Variants in NEK6 observed in about 807,000 individuals in gnomAD.
NEK6 encodes NIMA related kinase 6.
In NEK6, 27 loss-of-function variants were observed where a neutral mutation model predicts 43.5. The observed-to-expected ratio is 0.62, with a 90% CI of 0.46 to 0.86. The LOEUF (loss-of-function observed/expected upper bound fraction) is 0.86, where lower values mean the gene tolerates loss of function less well. NEK6 is among the 40% of genes least tolerant of loss of function. The probability of loss-of-function intolerance (pLI) is 0.00; values close to 1 mark genes in which losing one functional copy is unlikely to be tolerated. For synonymous variants in NEK6, 167 were observed against 164.1 expected, an observed-to-expected ratio of 1.02 and a Z score of -0.14; for missense variants, 318 against 414.4, an observed-to-expected ratio of 0.77 and a Z score of 2.02.
rs116301984 is a variant in NEK6, at chr9:124,323,903, C to T, written c.405+2334C>T. Reference sequence around the variant, plus strand: ...GCCAACACTGGCTCAGGGTTCAAGTCAGTCATGAACCCAGCAGGATTGAGT... The same window carrying T: ...GCCAACACTGGCTCAGGGTTCAAGTTAGTCATGAACCCAGCAGGATTGAGT... On this transcript the variant is annotated intron_variant, in intron 5 of 9. Transcript: ENST00000320246. Among the ~76,000 whole-genome samples, 803 of 152,320 alleles carry T rather than the reference C, an allele frequency of 5.3e-3. 6 individuals are homozygous for T. Among genetic ancestry groups the T allele is most frequent in the African/African-American group, 0.019 (789 of 41,568 alleles).
intron 1 of NEK6, among the ~76,000 whole-genome samples, chr9:124,282,218 C>G (rs1831944449): frequency 6.6e-6 from 1 of 152,220 alleles, no homozygotes; most frequent in Admixed American, 6.5e-5. Context: ...ACCTGCCGTG[C>G]CTTTTTCTGG....
intron 1 of NEK6, among the ~76,000 whole-genome samples, chr9:124,284,531 G>A (rs1209583487): frequency 6.6e-6 from 1 of 152,228 alleles, no homozygotes; most frequent in Non-Finnish European, 1.5e-5. Flanking sequence ...AAAACTATGA[G>A]CAAAGCTCCG....
chr9:124,320,770 G>C (rs1178339037), intron 4 of NEK6, among the ~76,000 whole-genome samples: 3 of 152,126 alleles, frequency 2.0e-5, no homozygotes, highest in Non-Finnish European at 4.4e-5. Context: ...CAGCCGGGCA[G>C]CTCTCATGCC....
At chr9:124,266,520 C>G (rs1831233986) in intron 1 of NEK6, among the ~76,000 whole-genome samples, 1 of 152,170 alleles carries the variant, frequency 6.6e-6, no homozygotes, top group Non-Finnish European at 1.5e-5. Flanking sequence ...TGTGAGGGCC[C>G]CCAGGCAGCT....
rs779439151 is a variant in NEK6 at position 124,313,941 on chromosome 9, G to A, written c.250G>A (p.Ala84Thr). 2.0e-4 allele frequency: 315 copies of A among 1,614,134 alleles called. 6 individuals are homozygous for A. The South Asian group carries it at 3.3e-3, about 17-fold the overall frequency. ...GCCCAAGATCTTTGAGATGATGGAC[G>A]CCAAGGCGAGGCAGGACTGTGTCAA... ...KKVQIFEMMD[A>T]KARQDCVKEI... Residue 84 changes from alanine to threonine, a missense_variant, in exon 4 of 10, where the codon GCC (alanine) becomes ACC (threonine). Physicochemically the swap from Ala to Thr is moderately conservative, Grantham distance 58 (BLOSUM62 0). Around this residue, in one of 2 missense-constraint regions of NEK6, gnomAD observed 239 missense variants for 344.4 expected, o/e 0.69. Transcript: ENST00000320246.
At chr9:124,291,224 A>C (rs1164657590) in intron 1 of NEK6, among the ~76,000 whole-genome samples, 1 of 152,210 alleles carries the variant, frequency 6.6e-6, no homozygotes, top group Non-Finnish European at 1.5e-5. Flanking sequence ...GACGTGGCTA[A>C]GCCAGAACTT....
chr9:124,299,046 C>T (rs1832832482), intron 1 of NEK6, among the ~76,000 whole-genome samples: 1 of 152,242 alleles, frequency 6.6e-6, no homozygotes, highest in African/African-American at 2.4e-5. Flanking sequence ...GCAGGAATGA[C>T]ATTCCCAAGC....
chr9:124,347,879 A>G (rs1830029176), intron 9 of NEK6, 57 bp downstream of exon 9: 2 of 1,040,322 alleles, frequency 1.9e-6, no homozygotes, highest in African/African-American at 1.6e-5. Context: ...GAGGCTTATG[A>G]GGGCCGCTCC....
chr9:124,260,020 TA>T (rs1486444229), intron 1 of NEK6, among the ~76,000 whole-genome samples: 7 of 111,666 alleles, frequency 6.3e-5, no homozygotes, highest in African/African-American at 2.1e-4. Context: ...GGAGCCGTTC[TA>T]GGGGGTGTGA....
chr9:124,274,488 A>T (rs954197319), intron 1 of NEK6, among the ~76,000 whole-genome samples: 3 of 152,258 alleles, frequency 2.0e-5, no homozygotes, highest in Non-Finnish European at 4.4e-5. Context: ...GCTCATGAGC[A>T]GTAGCACTGA....
intron 1 of NEK6, among the ~76,000 whole-genome samples, chr9:124,282,241 G>A (rs78128921): frequency 0.014 from 2,086 of 152,286 alleles, 47 homozygotes; most frequent in African/African-American, 0.048. Context: ...TCTGGCAGGC[G>A]CTAGCCACCC....
At chr9:124,258,370 G>GT in intron 1 of NEK6, 3 of 981,128 alleles carry the variant, frequency 3.1e-6, no homozygotes, top group Non-Finnish European at 3.6e-6. Context: ...GGGTGAGTGC[G>GT]TGCGGGGACG....
chr9:124,327,806 A>G (rs1273498338), intron 7 of NEK6, among the ~76,000 whole-genome samples: 2 of 152,248 alleles, frequency 1.3e-5, no homozygotes, highest in Non-Finnish European at 2.9e-5. Context: ...GGGGGTGGAC[A>G]TTTGCACTGT....
At chr9:124,261,374 C>T (rs1369247081) in intron 1 of NEK6, 6 of 982,650 alleles carry the variant, frequency 6.1e-6, no homozygotes, top group Admixed American at 6.1e-5. Flanking sequence ...TTCCTCTTCT[C>T]AGGCTAGACC....
chr9:124,291,916 G>A (rs531845465), intron 1 of NEK6: 2 of 985,594 alleles, frequency 2.0e-6, no homozygotes, highest in East Asian at 1.1e-4. Flanking sequence ...GGTGTCTGGG[G>A]ACCGGAGTCT....
chr9:124,283,307 C>A (rs1041228982), intron 1 of NEK6, among the ~76,000 whole-genome samples: 1 of 152,238 alleles, frequency 6.6e-6, no homozygotes, highest in Non-Finnish European at 1.5e-5. Context: ...TTTCATGCCA[C>A]TCCTGCGACG....
Position 124,326,218 on chromosome 9 carries a change from CT to C in NEK6, c.406-111del. On this transcript the variant is annotated intron_variant, in intron 5 of 9. Coordinates refer to ENST00000320246, the MANE Select transcript of NEK6 (RefSeq NM_014397.6). The surrounding 1 kb of genome is among the most constrained non-coding windows in gnomAD (Gnocchi z 4.5). ...GTGGCTCAATCCCCCCCCCCCGCCC[CT>C]GCCAGGCACCAGTTACCCACTGGGG... The C allele has an allele frequency of 2.8e-5, 6 of 213,946 alleles. No individual in the cohort carries two copies. The highest frequency in any genetic ancestry group is 8.0e-5 in the South Asian group (2 of 24,900). The allele number at this position is 213,946 out of a possible 1,614,324, so 13.3% of individuals were successfully genotyped here.
chr9:124,325,783 C>G (rs1246364424), intron 5 of NEK6, among the ~76,000 whole-genome samples: 1 of 152,250 alleles, frequency 6.6e-6, no homozygotes, highest in Non-Finnish European at 1.5e-5. Context: ...TTGAGTGCGT[C>G]AAGCCCATTT....
At chr9:124,266,053 T>A (rs1831215454) in intron 1 of NEK6, among the ~76,000 whole-genome samples, 1 of 152,180 alleles carries the variant, frequency 6.6e-6, no homozygotes, top group Non-Finnish European at 1.5e-5. Context: ...GAGGGGTGTT[T>A]GAACCCACCT....
Sources: gnomAD v4.1 joint callset for allele counts (sites outside exome capture counted in the v4.1 genomes callset) on GRCh38, gnomAD v4.1.1 for gene constraint, gnomAD v4.1.1 regional missense constraint, Gnocchi (gnomAD v3.1) non-coding constraint, MANE v1.5 for transcripts, NCBI Gene and HGNC (gene_info 2026-07-23, HGNC 2026-07-21) for gene names.